NMD3: variants seen among roughly 807,000 people sequenced by gnomAD.
NMD3 encodes the protein 60S ribosomal export protein NMD3.
In NMD3, 47 loss-of-function variants were observed where a neutral mutation model predicts 73.1. That is an observed-to-expected ratio of 0.64 (90% CI 0.51 to 0.82). The LOEUF is 0.82. NMD3 is among the 40% of genes least tolerant of loss of function. NMD3 has a pLI of 0.00. For synonymous variants in NMD3, 210 were observed against 194.5 expected (o/e 1.08, Z -0.66); for missense variants, 554 against 612.5 (o/e 0.90, Z 1.01).
intron 5 of NMD3, 87 bp from the exon 6 acceptor site, chr3:161,234,640 A>C: frequency 8.5e-7 from 1 of 1,171,414 alleles, no homozygotes; most frequent in East Asian, 2.6e-5. Flanking sequence ...AAAAAGTTTT[A>C]AATTAAATAT....
chr3:161,239,501 A>G (rs771167387), intron 9 of NMD3, among the ~76,000 whole-genome samples: 11 of 152,200 alleles, frequency 7.2e-5, no homozygotes, highest in Non-Finnish European at 1.5e-4. Context: ...TATTGTGACC[A>G]TTCTACATAA....
At position 161,240,899 on chromosome 3, in the gene NMD3, CT is replaced by C. The variant is rs1232005310; in HGVS notation, c.754-143del. On this transcript the variant is annotated intron_variant, in intron 9 of 15. Transcript: ENST00000351193. Reference sequence around the variant, plus strand: ...TGCCTGTCATACTTAAGGTCTGATTCTTTTCTTTAGTCTCTTTGTTGATTGA... The same window carrying C: ...TGCCTGTCATACTTAAGGTCTGATTCTTTCTTTAGTCTCTTTGTTGATTGA... 23 of 480,878 alleles carry C rather than the reference CT, an allele frequency of 4.8e-5. No homozygotes were observed. The Admixed American group carries it at 6.0e-4, about 12-fold the overall frequency. The allele number at this position is 480,878 out of a possible 1,614,324, so 29.8% of individuals were successfully genotyped here.
rs756464029 is a variant in NMD3, at chr3:161,250,360, C to G, written c.1381+34C>G. 1.5e-5 allele frequency: 19 copies of G among 1,274,798 alleles called. 1 individual carries two copies. In the South Asian group the frequency reaches 2.3e-4, roughly 16 times the overall value. 79.0% of individuals were successfully genotyped at this position (1,274,798 alleles called of 1,614,324 possible). ...TCTAGGAGTGTTTAAGTCATTTGTT[C>G]TGTATATAAGTATAGTTCCTAGTAT... On this transcript the variant is annotated intron_variant, in intron 15 of 15. Transcript: ENST00000351193.
chr3:161,221,668 CG>C (rs1736087020), intron 1 of NMD3: 1 of 181,140 alleles, frequency 5.5e-6, no homozygotes, highest in African/African-American at 2.4e-5. Flanking sequence ...CGGGAGGGCC[CG>C]GGCGTCCACA....
intron 4 of NMD3, among the ~76,000 whole-genome samples, chr3:161,229,925 G>A (rs1171930594): frequency 6.6e-6 from 1 of 152,120 alleles, no homozygotes; most frequent in Non-Finnish European, 1.5e-5. Context: ...TAATGTGGAC[G>A]ACCTTAATAA....
downstream of NMD3, among the ~76,000 whole-genome samples, chr3:161,252,590 C>T (rs1737532539): frequency 6.6e-6 from 1 of 152,138 alleles, no homozygotes; most frequent in South Asian, 2.1e-4. Flanking sequence ...GATAAATCTA[C>T]CATACTATAT....
intron 4 of NMD3, among the ~76,000 whole-genome samples, chr3:161,232,049 C>T (rs976815471): frequency 1.3e-5 from 2 of 151,440 alleles, no homozygotes; most frequent in East Asian, 1.9e-4. Context: ...TGGGGAATGC[C>T]GAGCAGGATG....
chr3:161,228,280 A>G (rs544303451), intron 4 of NMD3, among the ~76,000 whole-genome samples: 5 of 152,068 alleles, frequency 3.3e-5, no homozygotes, highest in Non-Finnish European at 4.4e-5. Context: ...TTATTTTCCT[A>G]CTAGGTCCCA....
chr3:161,238,299 G>A, intron 8 of NMD3, 108 bp downstream of exon 8: 1 of 740,702 alleles, frequency 1.4e-6, no homozygotes, highest in Non-Finnish European at 2.3e-6. Flanking sequence ...AATCGTAGTA[G>A]AAATACTTAC....
rs1446093945 is a variant in NMD3, at chr3:161,250,272, C to T, written c.1327C>T (p.Leu443Phe). Residue 443 changes from leucine (L) to phenylalanine (F), a missense_variant, in exon 15 of 16, where the codon CTT (leucine) becomes TTT (phenylalanine). Physicochemically the swap from Leu to Phe is conservative, Grantham distance 22. Coordinates refer to ENST00000351193, the MANE Select transcript of NMD3 (RefSeq NM_015938.5). ...TATTTAAAGGCAATACCAAGATTTTCTTGAAGATCTTGAAGAAGATGAGGC... is the reference window on the plus strand; with the variant it reads ...TATTTAAAGGCAATACCAAGATTTTTTTGAAGATCTTGAAGAAGATGAGGC... ...TDDERQYQDF[L>F]EDLEEDEAIR... The T allele has an allele frequency of 6.3e-7, 1 of 1,583,314 alleles. No individual in the cohort carries two copies. Among genetic ancestry groups the T allele is most frequent in the South Asian group, 1.1e-5 (1 of 89,926 alleles).
At chr3:161,246,219 A>C in intron 11 of NMD3, 117 bp from the exon 12 acceptor site, 1 of 417,164 alleles carries the variant, frequency 2.4e-6, no homozygotes, top group Non-Finnish European at 4.3e-6. Context: ...AAATACAAAA[A>C]ATTTTCTGTC....
chr3:161,231,087 T>G (rs1287832475), intron 4 of NMD3, among the ~76,000 whole-genome samples: 1 of 152,182 alleles, frequency 6.6e-6, no homozygotes, highest in African/African-American at 2.4e-5. Flanking sequence ...TTTAACCAAA[T>G]TTATAATTTA....
chr3:161,221,913 G>C (rs984174606), intron 1 of NMD3, 81 bp from the exon 2 acceptor site: 6 of 870,370 alleles, frequency 6.9e-6, no homozygotes, highest in East Asian at 2.6e-5. Context: ...GGAGGAAGAC[G>C]TAAAAAGAGG....
downstream of NMD3, chr3:161,252,840 T>G: frequency 1.4e-6 from 1 of 694,310 alleles, no homozygotes; most frequent in Non-Finnish European, 2.6e-6. Flanking sequence ...GGTTGACGCC[T>G]GTAATCCCAG....
chr3:161,247,151 G>A (rs1345140481), intron 12 of NMD3, 107 bp from the exon 13 acceptor site: 3 of 654,260 alleles, frequency 4.6e-6, no homozygotes, highest in South Asian at 3.8e-5. Flanking sequence ...AAAGTGAGAA[G>A]CATATTAAAT....
At chr3:161,224,896 C>T in intron 2 of NMD3, 34 bp from the exon 3 acceptor site, 1 of 1,544,282 alleles carries the variant, frequency 6.5e-7, no homozygotes, top group South Asian at 1.2e-5. Context: ...TTTTAAAAAT[C>T]TAATGTGAAA....
At chr3:161,224,889 T>A (rs759501194) in intron 2 of NMD3, 41 bp from the exon 3 acceptor site, 2 of 1,545,006 alleles carry the variant, frequency 1.3e-6, no homozygotes, top group Non-Finnish European at 1.7e-6. Context: ...TAGTGTATTT[T>A]AAAAATCTAA....
At chr3:161,239,684 C>G (rs1736897259) in intron 9 of NMD3, among the ~76,000 whole-genome samples, 1 of 152,186 alleles carries the variant, frequency 6.6e-6, no homozygotes, top group Non-Finnish European at 1.5e-5. Context: ...GTCTGTGTCT[C>G]CAAAGCTTTA....
chr3:161,240,569 G>A (rs917352794), intron 9 of NMD3, among the ~76,000 whole-genome samples: 1 of 123,254 alleles, frequency 8.1e-6, no homozygotes, highest in Non-Finnish European at 1.6e-5. Context: ...CTGTCACCTA[G>A]GCTAGAGTGC....
Sources: allele counts gnomAD v4.1 joint callset (sites outside exome capture counted in the v4.1 genomes callset), GRCh38; gene constraint gnomAD v4.1.1; transcripts MANE v1.5; gene names NCBI Gene and HGNC (gene_info 2026-07-23, HGNC 2026-07-21).